Variants in UNC79 observed in about 807,000 individuals in gnomAD.
The protein encoded by UNC79 is protein unc-79 homolog.
A neutral mutation model predicts 283.1 loss-of-function variants in UNC79; 37 were observed. The observed-to-expected ratio is 0.13, with a 90% CI of 0.10 to 0.17. The LOEUF (loss-of-function observed/expected upper bound fraction) is 0.17, where lower values mean the gene tolerates loss of function less well. Among genes scored for constraint, UNC79 ranks in the 10% least tolerant of loss-of-function variants. The pLI, the probability that UNC79 is intolerant of heterozygous loss-of-function variation, is 1.00. For synonymous variants in UNC79, 1,107 were observed against 1,200.2 expected, an observed-to-expected ratio of 0.92 and a Z score of 1.61; for missense variants, 2,272 against 3,211.1, an observed-to-expected ratio of 0.71 and a Z score of 7.07.
At chr14:93,436,780 C>T (rs1398925626) in intron 1 of UNC79, among the ~76,000 whole-genome samples, 2 of 152,100 alleles carry the variant, frequency 1.3e-5, no homozygotes, top group Non-Finnish European at 2.9e-5. Flanking sequence ...AATACTCTTG[C>T]TTTCTGTAAT....
chr14:93,527,146 G>C (rs946876826), intron 8 of UNC79, among the ~76,000 whole-genome samples: 1 of 152,190 alleles, frequency 6.6e-6, no homozygotes, highest in Non-Finnish European at 1.5e-5. Context: ...GATTTTACCT[G>C]GTTCTACTTG....
rs35504755 is a variant in UNC79 at position 93,502,412 on chromosome 14, CA to C, written c.898+5135del. 1.8e-4 allele frequency among the ~76,000 whole-genome samples: 27 copies of C among 149,656 alleles called. No individual in the cohort carries two copies. The East Asian group carries it at 2.0e-3, about 11-fold the overall frequency. ...TGGGTGACTGAGCAAGACAATGTCT[CA>C]AAAAAAAATGCAAAAAATTGATGTC... is the stretch of plus-strand genomic sequence containing the variant. On this transcript the variant is annotated intron_variant, in intron 7 of 48. Transcript: ENST00000555664.
In UNC79 at chr14:93,685,945, GTTTC is replaced by G. The variant is rs1469621408; in HGVS notation, c.6820-619_6820-616del. Among the ~76,000 whole-genome samples, 4 of 152,164 alleles carry G rather than the reference GTTTC, an allele frequency of 2.6e-5. No homozygotes were observed. The East Asian group carries it at 5.8e-4, about 22-fold the overall frequency. On this transcript the variant is annotated intron_variant, in intron 42 of 48. Coordinates refer to ENST00000555664, the Ensembl canonical transcript of UNC79. ...AGCATGTGGGGAAGATGACCATTTC[GTTTC>G]TTTCTTTTATTTATCCCCTAGCAAG...
At chr14:93,476,738 G>A (rs1262755720) in intron 3 of UNC79, among the ~76,000 whole-genome samples, 5 of 152,168 alleles carry the variant, frequency 3.3e-5, no homozygotes, top group African/African-American at 7.2e-5. Flanking sequence ...ATATACAAAT[G>A]TACATTTAGT....
At chr14:93,428,475 G>C (rs76840555), upstream of UNC79, among the ~76,000 whole-genome samples, 1,698 of 152,262 alleles carry the variant, frequency 0.011, 33 homozygotes, top group African/African-American at 0.039. Flanking sequence ...GGAAAGGTGA[G>C]GGAGTTCATT....
At chr14:93,548,288 T>G (rs1036794941) in intron 14 of UNC79, among the ~76,000 whole-genome samples, 1 of 152,124 alleles carries the variant, frequency 6.6e-6, no homozygotes, top group Non-Finnish European at 1.5e-5. Flanking sequence ...CTGAGGTCCC[T>G]TTTACAAGGG....
At chr14:93,543,406 G>T (rs560718477) in intron 14 of UNC79, among the ~76,000 whole-genome samples, 442 of 149,578 alleles carry the variant, frequency 3.0e-3, no homozygotes, top group Non-Finnish European at 5.2e-3. Flanking sequence ...TTGAGACAGG[G>T]TCTCACTTTG....
intron 40 of UNC79, among the ~76,000 whole-genome samples, chr14:93,666,398 A>G (rs1022283783): frequency 2.0e-5 from 3 of 152,152 alleles, no homozygotes; most frequent in African/African-American, 7.2e-5. Context: ...AAACATGTCT[A>G]AAGACAGCAA....
chr14:93,459,184 G>C (rs1344665901), intron 1 of UNC79, among the ~76,000 whole-genome samples: 1 of 152,158 alleles, frequency 6.6e-6, no homozygotes, highest in Non-Finnish European at 1.5e-5. Flanking sequence ...TAGAGACAGG[G>C]TTTCACCATG....
Position 93,643,527 on chromosome 14 carries a change from A to G in UNC79, c.5904-30A>G, listed in dbSNP as rs145666831. Reference sequence around the variant, plus strand: ...TCTTGAGACCATGGTTCTTTCTTTCATGGAAAGCATGTCTCTCTTTTCTTT... The same window carrying G: ...TCTTGAGACCATGGTTCTTTCTTTCGTGGAAAGCATGTCTCTCTTTTCTTT... On this transcript the variant is annotated intron_variant, in intron 33 of 48. Coordinates refer to ENST00000555664, the Ensembl canonical transcript of UNC79. 4.9e-5 allele frequency: 79 copies of G among 1,613,510 alleles called. 1 individual carries two copies. In the East Asian group the frequency reaches 1.2e-3, roughly 25 times the overall value.
chr14:93,507,039 G>A (rs1002600142), intron 7 of UNC79, among the ~76,000 whole-genome samples: 2 of 152,136 alleles, frequency 1.3e-5, no homozygotes, highest in African/African-American at 4.8e-5. Context: ...AATCCATTCA[G>A]TCAACATATT....
chr14:93,464,469 G>A (rs1319231838), intron 1 of UNC79: 2 of 454,308 alleles, frequency 4.4e-6, no homozygotes, highest in South Asian at 1.6e-5. Flanking sequence ...GGTCCACCAC[G>A]GAAACGGCCT....
intron 32 of UNC79, 53 bp from the exon 36 acceptor site, chr14:93,641,092 G>C: frequency 6.7e-7 from 1 of 1,497,516 alleles, no homozygotes; most frequent in Non-Finnish European, 9.2e-7. Flanking sequence ...GGCCTTTCTT[G>C]GCCCCTTGAA....
At chr14:93,582,232 C>T (rs374798072) in exon 20 of UNC79, 32 of 1,614,176 alleles carry the variant, frequency 2.0e-5, no homozygotes, top group Non-Finnish European at 2.5e-5. Flanking sequence ...AGGATAGCCT[C>T]CTTTCTTCCA....
At chr14:93,639,821 A>G (rs1032402423) in intron 32 of UNC79, among the ~76,000 whole-genome samples, 7 of 152,172 alleles carry the variant, frequency 4.6e-5, no homozygotes, top group Non-Finnish European at 1.0e-4. Flanking sequence ...GGCTAGCTTT[A>G]TGAATATTTT....
At chr14:93,478,614 A>AATG (rs2057938462) in intron 4 of UNC79, among the ~76,000 whole-genome samples, 1 of 152,174 alleles carries the variant, frequency 6.6e-6, no homozygotes, top group African/African-American at 2.4e-5. Flanking sequence ...TAATAATAAT[A>AATG]ATAGCTGCCT....
At chr14:93,535,164 T>C (rs1472221814) in intron 11 of UNC79, among the ~76,000 whole-genome samples, 1 of 152,196 alleles carries the variant, frequency 6.6e-6, no homozygotes, top group Non-Finnish European at 1.5e-5. Flanking sequence ...GAGTGAACAT[T>C]TGAAAACATG....
Position 93,431,884 on chromosome 14 carries a change from G to C in UNC79, c.22+833G>C, listed in dbSNP as rs371696193. The stretch of plus-strand genomic sequence containing the variant: ...ACTAGTAGGCCTTCGGTGTGTGCTT[G>C]GTAGGTTGATCAATGTGAAGCCTTT... On this transcript the variant is annotated intron_variant, in intron 1 of 48. Coordinates refer to ENST00000555664, the Ensembl canonical transcript of UNC79. Among the ~76,000 whole-genome samples the C allele has an allele frequency of 1.1e-3, 170 of 152,314 alleles. 2 individuals carry two copies. In the Middle Eastern group the frequency reaches 0.014, roughly 12 times the overall value.
Position 93,643,553 on chromosome 14 carries a change from G to C in UNC79, c.5904-4G>C. Reference sequence around the variant, plus strand: ...TGGAAAGCATGTCTCTCTTTTCTTTGCAGATGCCATGACTGTGGGGCCATT... The same window carrying C: ...TGGAAAGCATGTCTCTCTTTTCTTTCCAGATGCCATGACTGTGGGGCCATT... On this transcript the variant is annotated splice_region_variant and splice_polypyrimidine_tract_variant and intron_variant, in intron 33 of 48. Transcript: ENST00000555664. 6.2e-7 allele frequency: 1 copy of C among 1,613,796 alleles called. No homozygotes were observed. The highest frequency in any genetic ancestry group is 1.1e-5 in the South Asian group (1 of 91,066).
Sources: allele counts gnomAD v4.1 joint callset (sites outside exome capture counted in the v4.1 genomes callset), GRCh38; gene constraint gnomAD v4.1.1; transcripts MANE v1.5; gene names NCBI Gene and HGNC (gene_info 2026-07-23, HGNC 2026-07-21).